The following PDE8A variants were observed in gnomAD, a reference collection of about 807,000 sequenced individuals.
PDE8A encodes phosphodiesterase 8A.
PDE8A carries 59 observed loss-of-function variants against 105.0 expected under a neutral mutation model. That is an observed-to-expected ratio of 0.56 (90% CI 0.46 to 0.70). The LOEUF (loss-of-function observed/expected upper bound fraction) is 0.70. Among genes scored for constraint, PDE8A ranks in the 30% least tolerant of loss-of-function variants. The pLI, the probability that PDE8A is intolerant of heterozygous loss-of-function variation, is 0.00. For synonymous variants in PDE8A, 355 were observed against 371.9 expected (o/e 0.95, Z 0.52); for missense variants, 1,014 against 1,045.9 (o/e 0.97, Z 0.42).
chr15:84,996,988 C>T (rs1258815894), intron 1 of PDE8A, among the ~76,000 whole-genome samples: 1 of 152,098 alleles, frequency 6.6e-6, no homozygotes, highest in Non-Finnish European at 1.5e-5. Flanking sequence ...CTTATAAACA[C>T]TGTACACTTA....
chr15:84,984,404 G>C (rs1241074213), intron 1 of PDE8A, among the ~76,000 whole-genome samples: 1 of 152,186 alleles, frequency 6.6e-6, no homozygotes, highest in Non-Finnish European at 1.5e-5. Context: ...GGAAATTCAT[G>C]TTAGAGAAGG....
At chr15:85,045,365 C>T (rs926371261) in intron 1 of PDE8A, among the ~76,000 whole-genome samples, 5 of 152,118 alleles carry the variant, frequency 3.3e-5, no homozygotes, top group African/African-American at 1.2e-4. Flanking sequence ...AGATTACGGC[C>T]AGGTTATTTT....
chr15:85,026,688 A>G (rs1173954809), intron 1 of PDE8A, among the ~76,000 whole-genome samples: 1 of 152,186 alleles, frequency 6.6e-6, no homozygotes, highest in African/African-American at 2.4e-5. Context: ...TTAAAACAAG[A>G]TAGATGCTTG....
intron 1 of PDE8A, among the ~76,000 whole-genome samples, chr15:85,016,105 A>T (rs2080321066): frequency 6.6e-6 from 1 of 152,286 alleles, no homozygotes; most frequent in Admixed American, 6.5e-5. Flanking sequence ...CACTCACTGT[A>T]CTTCAGCCTG....
chr15:85,119,730 A>G (rs1318934953), intron 17 of PDE8A, among the ~76,000 whole-genome samples: 1 of 152,132 alleles, frequency 6.6e-6, no homozygotes, highest in East Asian at 1.9e-4. Context: ...TAAATTTAAA[A>G]TATCAGCTAC....
At chr15:84,992,851 C>G (rs1191600247) in intron 1 of PDE8A, among the ~76,000 whole-genome samples, 1 of 152,084 alleles carries the variant, frequency 6.6e-6, no homozygotes, top group Non-Finnish European at 1.5e-5. Context: ...TGTACCTCAT[C>G]TCATTTGATG....
chr15:85,112,079 A>G (rs747258005), intron 12 of PDE8A, among the ~76,000 whole-genome samples: 12 of 152,290 alleles, frequency 7.9e-5, no homozygotes, highest in Non-Finnish European at 1.3e-4. Flanking sequence ...GAGTGCATTT[A>G]TAGATTCTTC....
At chr15:85,106,741 CAGTG>C (rs1175585439) in intron 11 of PDE8A, among the ~76,000 whole-genome samples, 9 of 152,290 alleles carry the variant, frequency 5.9e-5, no homozygotes, top group Admixed American at 2.0e-4. Context: ...TCATGGGAAA[CAGTG>C]AGAGATGAAA....
intron 5 of PDE8A, among the ~76,000 whole-genome samples, chr15:85,083,307 G>A (rs995954140): frequency 3.8e-5 from 5 of 132,828 alleles, no homozygotes; most frequent in African/African-American, 1.4e-4. Context: ...TGAAAGAAAA[G>A]CCTTTTTTTT....
intron 1 of PDE8A, chr15:85,063,206 A>AT (rs1263974045): frequency 6.6e-6 from 1 of 152,106 alleles, no homozygotes; most frequent in Non-Finnish European, 1.5e-5. Flanking sequence ...ATATATGTGG[A>AT]TTTTTCTCCC....
rs751682608 is a variant in PDE8A, at chr15:85,097,968, T to C, written c.873T>C (p.Tyr291=). Residue 291 remains tyrosine, a synonymous_variant, in exon 9 of 22, where the codon TAT becomes TAC. Coordinates refer to ENST00000394553, the MANE Select transcript of PDE8A (RefSeq NM_002605.3). ...TATAGGAGTGGCAAGGAATTTACTATGCCAAAAAGAAAAACGGAGATAATA... is the reference window on the plus strand; with the variant it reads ...TATAGGAGTGGCAAGGAATTTACTACGCCAAAAAGAAAAACGGAGATAATA... ...RIGKEWQGIY[Y]AKKKNGDNIQ... 2 of 1,589,584 alleles carry C rather than the reference T, an allele frequency of 1.3e-6. No individual in the cohort carries two copies. The highest frequency in any genetic ancestry group is 2.2e-5 in the South Asian group (2 of 90,512).
At position 85,091,045 on chromosome 15, in the gene PDE8A, A is replaced by G; in HGVS notation, c.716A>G (p.Tyr239Cys). 6.2e-7 allele frequency: 1 copy of G among 1,606,686 alleles called. No individual in the cohort carries two copies. The change falls in exon 8 of 22, where the codon TAT (tyrosine) becomes TGT (cysteine). Residue 239 changes from tyrosine to cysteine, a missense_variant and splice_region_variant. By Grantham distance (194) the Tyr-to-Cys change is radical (BLOSUM62 -2). Coordinates refer to ENST00000394553, the MANE Select transcript of PDE8A (RefSeq NM_002605.3). The part of the protein sequence containing the change: ...EITSEDRFIQ[Y>C]ANPAFETTMG... ...GTTTTTTCTTTTGTCTCCCTTCAGTATGCAAATCCTGCATTTGAAACAACA... is the reference window on the plus strand; with the variant it reads ...GTTTTTTCTTTTGTCTCCCTTCAGTGTGCAAATCCTGCATTTGAAACAACA...
intron 1 of PDE8A, among the ~76,000 whole-genome samples, chr15:84,996,175 A>T (rs546361470): frequency 1.2e-4 from 16 of 138,258 alleles, no homozygotes; most frequent in African/African-American, 4.6e-4. Flanking sequence ...TAGTGTTTTT[A>T]AAATTTTTTT....
rs144066378 is a variant in PDE8A at position 85,039,883 on chromosome 15, A to G, written c.187-24487A>G. Among the ~76,000 whole-genome samples the G allele has an allele frequency of 2.3e-3, 351 of 152,316 alleles. 2 individuals carry two copies. The highest frequency in any genetic ancestry group is 8.1e-3 in the African/African-American group (337 of 41,576). Reference sequence around the variant, plus strand: ...TGATTTCACTTATGTGGAATATACAAAAGTTGAACTTAGAAGTAAAGAGTA... The same window carrying G: ...TGATTTCACTTATGTGGAATATACAGAAGTTGAACTTAGAAGTAAAGAGTA... On this transcript the variant is annotated intron_variant, in intron 1 of 21. Coordinates refer to ENST00000394553, the MANE Select transcript of PDE8A (RefSeq NM_002605.3).
intron 1 of PDE8A, among the ~76,000 whole-genome samples, chr15:85,005,712 GATTC>G (rs760165476): frequency 6.2e-4 from 95 of 152,240 alleles, no homozygotes; most frequent in Non-Finnish European, 8.1e-4. Flanking sequence ...AGTCCAATCT[GATTC>G]ATTCCTCTCA....
chr15:85,066,933 T>G lies in PDE8A; in HGVS notation c.244-81T>G, dbSNP rs533546075. On this transcript the variant is annotated intron_variant, in intron 2 of 21. Transcript: ENST00000394553. The stretch of plus-strand genomic sequence containing the variant: ...CAGCCTGAGCAACAGAGCAAGACTC[T>G]GTCTCAAGAAAAAAAAAGTGTAAGA... 3 of 1,069,298 alleles carry G rather than the reference T, an allele frequency of 2.8e-6. No individual in the cohort carries two copies. In the South Asian group the frequency reaches 4.6e-5, roughly 16 times the overall value. The allele number at this position is 1,069,298 out of a possible 1,614,324, so 66.2% of individuals were successfully genotyped here.
chr15:85,102,630 C>T (rs2081882442), intron 11 of PDE8A, among the ~76,000 whole-genome samples: 1 of 151,336 alleles, frequency 6.6e-6, no homozygotes, highest in South Asian at 2.1e-4. Context: ...CACCTGAGGT[C>T]GGGAGTTGAG....
intron 1 of PDE8A, among the ~76,000 whole-genome samples, chr15:85,019,238 G>A (rs1365244522): frequency 2.0e-5 from 3 of 152,142 alleles, no homozygotes; most frequent in Non-Finnish European, 4.4e-5. Context: ...ATTTTGTTAG[G>A]TGTGAAAATG....
intron 1 of PDE8A, among the ~76,000 whole-genome samples, chr15:85,033,151 G>C (rs367624963): frequency 5.9e-5 from 9 of 152,194 alleles, no homozygotes; most frequent in Non-Finnish European, 1.2e-4. Flanking sequence ...AGAGGAAGTA[G>C]ACTGAAGGCA....
Sources: allele counts gnomAD v4.1 joint callset (sites outside exome capture counted in the v4.1 genomes callset), GRCh38; gene constraint gnomAD v4.1.1; transcripts MANE v1.5; gene names NCBI Gene and HGNC (gene_info 2026-07-23, HGNC 2026-07-21).